Variants in PCDH15 observed in about 807,000 individuals in gnomAD.
PCDH15 encodes protocadherin related 15, also known as protocadherin-15.
Under a neutral mutation model 178.5 loss-of-function variants are expected in PCDH15, and 129 were observed. That is an observed-to-expected ratio of 0.72 (90% confidence interval 0.63 to 0.84). The LOEUF is 0.84. Among genes scored for constraint, PCDH15 ranks in the 40% least tolerant of loss-of-function variants. PCDH15 has a pLI of 0.00. For missense variants in PCDH15, 2,230 were observed against 2,099.9 expected (o/e 1.06, Z -1.21); for synonymous variants, 800 against 732.0 (o/e 1.09, Z -1.50).
chr10:53,948,558 G>T (rs1376234940), intron 23 of PCDH15, among the ~76,000 whole-genome samples: 2 of 152,076 alleles, frequency 1.3e-5, no homozygotes, highest in African/African-American at 4.8e-5. Flanking sequence ...TAAGTAAATG[G>T]CACAGCTATT....
chr10:54,092,854 T>C (rs2136079150), intron 15 of PCDH15, among the ~76,000 whole-genome samples: 1 of 152,278 alleles, frequency 6.6e-6, no homozygotes, highest in East Asian at 1.9e-4. Context: ...TATGTTGTTA[T>C]AGATATGATC....
intron 2 of PCDH15, among the ~76,000 whole-genome samples, chr10:55,434,107 GTCTC>G (rs542968129): frequency 0.02 from 1,989 of 100,948 alleles, 59 homozygotes; most frequent in African/African-American, 0.076. Context: ...TTGAGATGGT[GTCTC>G]TCTCTGTCGC....
intron 1 of PCDH15, among the ~76,000 whole-genome samples, chr10:55,214,529 T>C (rs955869141): frequency 6.6e-6 from 1 of 151,782 alleles, no homozygotes; most frequent in African/African-American, 2.4e-5. Flanking sequence ...TTTTTTGTCT[T>C]AAATTCCTTG....
intron 2 of PCDH15, among the ~76,000 whole-genome samples, chr10:55,508,074 T>C (rs1840800615): frequency 6.6e-6 from 1 of 151,678 alleles, no homozygotes; most frequent in Non-Finnish European, 1.5e-5. Context: ...TTATTTAGGA[T>C]TTTATTTTTT....
At chr10:55,280,489 A>C (rs1842704668) in intron 1 of PCDH15, among the ~76,000 whole-genome samples, 1 of 143,214 alleles carries the variant, frequency 7.0e-6, no homozygotes, top group South Asian at 2.2e-4. Flanking sequence ...GGGTTTTACC[A>C]AGTTGGTCAG....
intron 29 of PCDH15, among the ~76,000 whole-genome samples, chr10:53,832,610 A>G (rs978932977): frequency 2.0e-4 from 31 of 151,402 alleles, no homozygotes; most frequent in Middle Eastern, 3.4e-3. Flanking sequence ...AATATTTTAT[A>G]TACTTGAGTA....
chr10:53,822,302 T>G lies in PCDH15; in HGVS notation c.4368-2072A>C, dbSNP rs753289924. Reference sequence around the variant, plus strand: ...GAGTTGGAAATGGAGGTAGAAGAGGTGGTGTTGGGGGACCAGACGTTGAAA... The same window carrying G: ...GAGTTGGAAATGGAGGTAGAAGAGGGGGTGTTGGGGGACCAGACGTTGAAA... On this transcript the variant is annotated intron_variant, in intron 32 of 37. Transcript: ENST00000644397. 9.9e-6 allele frequency: 16 copies of G among 1,609,964 alleles called. No homozygotes were observed. The highest frequency in any genetic ancestry group is 1.7e-6 in the Non-Finnish European group (2 of 1,178,250).
intron 26 of PCDH15, among the ~76,000 whole-genome samples, chr10:53,867,586 G>A (rs1465059645): frequency 4.6e-5 from 7 of 151,974 alleles, no homozygotes; most frequent in Non-Finnish European, 1.0e-4. Context: ...CAAGACTTTT[G>A]GTTTACAGGT....
intron 3 of PCDH15, among the ~76,000 whole-genome samples, chr10:54,419,597 T>G (rs1954959149): frequency 6.6e-6 from 1 of 152,134 alleles, no homozygotes; most frequent in Non-Finnish European, 1.5e-5. Context: ...AAAAACTTGC[T>G]AAATTCTTGA....
intron 1 of PCDH15, among the ~76,000 whole-genome samples, chr10:55,168,577 G>A (rs1180419063): frequency 1.3e-5 from 2 of 152,122 alleles, no homozygotes; most frequent in African/African-American, 4.8e-5. Context: ...TTCTAAGGAA[G>A]GCATTTTGCA....
At chr10:54,356,055 T>G (rs945762106) in intron 5 of PCDH15, among the ~76,000 whole-genome samples, 2 of 152,040 alleles carry the variant, frequency 1.3e-5, no homozygotes, top group African/African-American at 4.8e-5. Context: ...TTCCCCACAA[T>G]ATAGCTTTAA....
At chr10:54,076,822 T>G (rs1017818362) in intron 17 of PCDH15, among the ~76,000 whole-genome samples, 9 of 152,104 alleles carry the variant, frequency 5.9e-5, no homozygotes, top group African/African-American at 2.2e-4. Flanking sequence ...ATTCTCATGA[T>G]CAAATTTTCA....
chr10:54,554,305 T>A (rs1048674784), intron 2 of PCDH15, among the ~76,000 whole-genome samples: 4 of 152,178 alleles, frequency 2.6e-5, no homozygotes, highest in African/African-American at 9.7e-5. Context: ...TAGTTTATTT[T>A]TAGCCTTCAT....
At chr10:53,810,989 T>C (rs1009179058) in intron 36 of PCDH15, among the ~76,000 whole-genome samples, 13 of 152,316 alleles carry the variant, frequency 8.5e-5, no homozygotes, top group African/African-American at 2.6e-4. Context: ...AAATAGATAC[T>C]TTGGAACAGT....
At chr10:54,036,149 G>T (rs2093411704) in intron 18 of PCDH15, among the ~76,000 whole-genome samples, 1 of 151,922 alleles carries the variant, frequency 6.6e-6, no homozygotes, top group Admixed American at 6.6e-5. Context: ...AAAGTGCAAG[G>T]TGAAGCAGCA....
chr10:55,545,838 T>C (rs1841868648), intron 2 of PCDH15, among the ~76,000 whole-genome samples: 1 of 152,184 alleles, frequency 6.6e-6, no homozygotes, highest in Non-Finnish European at 1.5e-5. Context: ...ATGTAAGATT[T>C]TTATCTGTCT....
intron 3 of PCDH15, among the ~76,000 whole-genome samples, chr10:54,864,351 T>G (rs1591750730): frequency 6.6e-6 from 1 of 152,296 alleles, no homozygotes; most frequent in Non-Finnish European, 1.5e-5. Flanking sequence ...TCATTATGTT[T>G]CATAAATTAT....
At chr10:54,528,329 C>T in intron 2 of PCDH15, 1 of 1,469,954 alleles carries the variant, frequency 6.8e-7, no homozygotes, top group South Asian at 1.2e-5. Flanking sequence ...GAGAATAAAA[C>T]AAAGACAGAC....
intron 3 of PCDH15, among the ~76,000 whole-genome samples, chr10:54,475,610 C>G (rs1280150814): frequency 6.6e-6 from 1 of 151,776 alleles, no homozygotes; most frequent in Non-Finnish European, 1.5e-5. Context: ...TGAAATATAT[C>G]TTATTTATAC....
Sources: allele counts gnomAD v4.1 joint callset (sites outside exome capture counted in the v4.1 genomes callset), GRCh38; gene constraint gnomAD v4.1.1; transcripts MANE v1.5; gene names NCBI Gene and HGNC (gene_info 2026-07-23, HGNC 2026-07-21).